The following TIPIN variants were observed in gnomAD, a reference collection of about 807,000 sequenced individuals.
The protein encoded by TIPIN is TIMELESS-interacting protein.
Under a neutral mutation model 35.6 loss-of-function variants are expected in TIPIN, and 29 were observed. That is an observed-to-expected ratio of 0.82 (90% confidence interval 0.61 to 1.11). The LOEUF is 1.11. TIPIN is among the 50% of genes most tolerant of loss of function. The pLI, the probability that TIPIN is intolerant of heterozygous loss-of-function variation, is 0.00. For synonymous variants in TIPIN, 102 were observed against 121.5 expected (o/e 0.84, Z 1.06); for missense variants, 296 against 345.4 (o/e 0.86, Z 1.13).
chr15:66,384,219 G>A (rs1024214416), intron 1 of TIPIN, among the ~76,000 whole-genome samples: 2 of 151,518 alleles, frequency 1.3e-5, no homozygotes, highest in Non-Finnish European at 1.5e-5. Flanking sequence ...GGATGGTCTC[G>A]ATTTCCTGAC....
At chr15:66,378,046 C>T (rs913564449) in intron 1 of TIPIN, among the ~76,000 whole-genome samples, 1 of 151,902 alleles carries the variant, frequency 6.6e-6, no homozygotes, top group Admixed American at 6.6e-5. Flanking sequence ...CACTCAGTCA[C>T]CCAGGCTGGA....
At chr15:66,346,725 T>C (rs1266044476) in intron 6 of TIPIN, among the ~76,000 whole-genome samples, 1 of 152,174 alleles carries the variant, frequency 6.6e-6, no homozygotes, top group African/African-American at 2.4e-5. Flanking sequence ...CCTTTACATA[T>C]ACCCAATCCT....
intron 1 of TIPIN, among the ~76,000 whole-genome samples, chr15:66,373,802 A>C (rs535039642): frequency 6.6e-6 from 1 of 152,272 alleles, no homozygotes; most frequent in African/African-American, 2.4e-5. Context: ...TACTGGGTGC[A>C]ACTGATCCTC....
intron 1 of TIPIN, chr15:66,386,537 T>C (rs952638285): frequency 6.5e-6 from 1 of 154,548 alleles, no homozygotes; most frequent in Non-Finnish European, 1.4e-5. Context: ...CTTTTCCTTA[T>C]TTATTTTGTT....
intron 1 of TIPIN, among the ~76,000 whole-genome samples, chr15:66,353,995 C>A (rs1456578095): frequency 6.6e-6 from 1 of 152,102 alleles, no homozygotes; most frequent in Non-Finnish European, 1.5e-5. Flanking sequence ...TTGTGGCACG[C>A]ACCTGTAGTC....
intron 1 of TIPIN, among the ~76,000 whole-genome samples, chr15:66,375,073 G>C (rs2093291491): frequency 6.6e-6 from 1 of 151,996 alleles, no homozygotes; most frequent in African/African-American, 2.4e-5. Flanking sequence ...ATGCGTAGGG[G>C]TTCTTCATAT....
chr15:66,351,190 T>C (rs1202506122), intron 4 of TIPIN, among the ~76,000 whole-genome samples: 2 of 152,200 alleles, frequency 1.3e-5, no homozygotes, highest in Admixed American at 6.6e-5. Context: ...AAGTGACTGA[T>C]ACAGGCAGAG....
At chr15:66,339,372 A>G (rs1595782227) in intron 7 of TIPIN, among the ~76,000 whole-genome samples, 1 of 151,916 alleles carries the variant, frequency 6.6e-6, no homozygotes. Context: ...CAGCCTCCCA[A>G]AGTGCTGGGA....
chr15:66,337,985 G>C (rs747412395), intron 7 of TIPIN, among the ~76,000 whole-genome samples: 16 of 152,158 alleles, frequency 1.1e-4, no homozygotes, highest in Admixed American at 2.6e-4. Context: ...GCCAGGCACA[G>C]TGGATCATGC....
chr15:66,349,662 T>C (rs1309107103), intron 4 of TIPIN, among the ~76,000 whole-genome samples: 1 of 152,114 alleles, frequency 6.6e-6, no homozygotes, highest in Non-Finnish European at 1.5e-5. Flanking sequence ...ACGGATCACT[T>C]GAGCTAAGGA....
chr15:66,371,233 T>C (rs946534564), intron 1 of TIPIN: 25 of 983,100 alleles, frequency 2.5e-5, no homozygotes, highest in Admixed American at 1.2e-4. Context: ...TGTAAGTGTA[T>C]CAAGCTTTCT....
chr15:66,376,934 C>A (rs2093298913), intron 1 of TIPIN, among the ~76,000 whole-genome samples: 1 of 151,216 alleles, frequency 6.6e-6, no homozygotes. Flanking sequence ...AATGGTGAAA[C>A]CCCATCTCTA....
At chr15:66,365,705 C>T (rs576466269) in intron 1 of TIPIN, among the ~76,000 whole-genome samples, 1 of 152,104 alleles carries the variant, frequency 6.6e-6, no homozygotes, top group South Asian at 2.1e-4. Flanking sequence ...TGGCACCATG[C>T]CCGGCTAATT....
chr15:66,343,886 T>C (rs940048587), intron 6 of TIPIN, among the ~76,000 whole-genome samples: 3 of 151,946 alleles, frequency 2.0e-5, no homozygotes, highest in Admixed American at 1.3e-4. Context: ...TAATCCCACC[T>C]ACTCAGGAGG....
chr15:66,337,229 T>A, intron 7 of TIPIN, 48 bp from the exon 8 acceptor site: 1 of 1,510,394 alleles, frequency 6.6e-7, no homozygotes, highest in Non-Finnish European at 9.1e-7. Context: ...CCTGATCCAA[T>A]CTTACCGCAT....
In TIPIN at chr15:66,349,521, T is replaced by C. The variant is rs753519243; in HGVS notation, c.289-84A>G. ...AGCAACTTTCAGAACTGAAAAGCTA[T>C]GCCAAAATCACTGGGGTCATTTTAT... On this transcript the variant is annotated intron_variant, in intron 4 of 7. Coordinates refer to ENST00000261881, the MANE Select transcript of TIPIN (RefSeq NM_017858.3). 5.7e-5 allele frequency: 86 copies of C among 1,516,956 alleles called. No homozygotes were observed. The Admixed American group carries it at 6.5e-4, about 11-fold the overall frequency. 94.0% of individuals were successfully genotyped at this position (1,516,956 alleles called of 1,614,324 possible).
rs776294060 is a variant in TIPIN, at chr15:66,336,944, C to T, written c.*14G>A. On this transcript the variant is annotated 3_prime_UTR_variant, in exon 8 of 8. Transcript: ENST00000261881. ...GACGATGACTTAACAGATACATTTTCTCTTAATGGAAACTTATCTAGCTTC... is the reference window on the plus strand; with the variant it reads ...GACGATGACTTAACAGATACATTTTTTCTTAATGGAAACTTATCTAGCTTC... 1.2e-6 allele frequency: 2 copies of T among 1,603,920 alleles called. No homozygotes were observed. Among genetic ancestry groups the T allele is most frequent in the Non-Finnish European group, 1.7e-6 (2 of 1,172,778 alleles).
chr15:66,346,974 T>C (rs2093130265), intron 6 of TIPIN, among the ~76,000 whole-genome samples: 2 of 152,024 alleles, frequency 1.3e-5, no homozygotes, highest in South Asian at 4.1e-4. Context: ...TTTATTATTT[T>C]TTAGTAGAGA....
At chr15:66,360,214 C>T (rs889136573), upstream of TIPIN, among the ~76,000 whole-genome samples, 1 of 152,030 alleles carries the variant, frequency 6.6e-6, no homozygotes, top group Non-Finnish European at 1.5e-5. Flanking sequence ...AACATAGGGA[C>T]ATCCTATCCC....
Sources: allele counts gnomAD v4.1 joint callset (sites outside exome capture counted in the v4.1 genomes callset), GRCh38; gene constraint gnomAD v4.1.1; transcripts MANE v1.5; gene names NCBI Gene and HGNC (gene_info 2026-07-23, HGNC 2026-07-21).